The following CEP128 variants were observed in gnomAD, a reference collection of about 807,000 sequenced individuals.
CEP128 encodes the protein centrosomal protein 128, also known as centrosomal protein 128kDa.
CEP128 carries 132 observed loss-of-function variants against 156.7 expected under a neutral mutation model. The ratio of observed to expected loss-of-function variants is 0.84; its 90% CI spans 0.73 to 0.97. CEP128 has a LOEUF of 0.97. Among genes scored for constraint, CEP128 ranks in the 50% least tolerant of loss-of-function variants. The pLI, the probability that CEP128 is intolerant of heterozygous loss-of-function variation, is 0.00. For missense variants in CEP128, 1,252 were observed against 1,281.9 expected, an observed-to-expected ratio of 0.98 and a Z score of 0.36; for synonymous variants, 469 against 448.9, an observed-to-expected ratio of 1.04 and a Z score of -0.57.
At chr14:80,610,732 T>C (rs1480559428) in intron 19 of CEP128, among the ~76,000 whole-genome samples, 2 of 152,158 alleles carry the variant, frequency 1.3e-5, no homozygotes, top group African/African-American at 4.8e-5. Context: ...AAATGACTTA[T>C]GCATGTTATT....
intron 10 of CEP128, among the ~76,000 whole-genome samples, chr14:80,840,285 T>C (rs1886288547): frequency 6.6e-6 from 1 of 152,110 alleles, no homozygotes; most frequent in South Asian, 2.1e-4. Context: ...ATATTTAATA[T>C]AAATAGAGAA....
intron 13 of CEP128, among the ~76,000 whole-genome samples, chr14:80,799,141 T>C (rs866168772): frequency 1.3e-5 from 2 of 152,246 alleles, no homozygotes; most frequent in Middle Eastern, 3.4e-3. Flanking sequence ...TCCTGTGACC[T>C]TAGAAGGGTG....
rs1900032170 is a variant in CEP128, at chr14:80,762,730, T to A, written c.2377-1117A>T. ...TTACTTACAGCATCTTAAATCTGCC[T>A]ACATATGTCTCCCCAGACCACATCT... On this transcript the variant is annotated intron_variant, in intron 16 of 24. Transcript: ENST00000555265. Among the ~76,000 whole-genome samples, 7 of 152,172 alleles carry A rather than the reference T, an allele frequency of 4.6e-5. No individual in the cohort carries two copies. The South Asian group carries it at 1.2e-3, about 27-fold the overall frequency.
intron 8 of CEP128, among the ~76,000 whole-genome samples, chr14:80,880,644 CAGG>C (rs1387335598): frequency 6.6e-6 from 1 of 151,170 alleles, no homozygotes; most frequent in African/African-American, 2.4e-5. Flanking sequence ...ATCACGAGGT[CAGG>C]AGATCAAGAC....
chr14:80,658,097 T>C (rs1258493104), intron 19 of CEP128, among the ~76,000 whole-genome samples: 1 of 152,208 alleles, frequency 6.6e-6, no homozygotes, highest in Non-Finnish European at 1.5e-5. Flanking sequence ...TTTAGATTGA[T>C]AATTTAGATC....
intron 2 of CEP128, among the ~76,000 whole-genome samples, chr14:80,938,190 C>A (rs1053309834): frequency 2.0e-5 from 3 of 151,666 alleles, no homozygotes; most frequent in African/African-American, 7.3e-5. Context: ...AGTCAATGCA[C>A]CTGGCCTAAT....
At chr14:80,477,810 C>T (rs1886970332) in exon 15 of CEP128, 1 of 152,194 alleles carries the variant, frequency 6.6e-6, no homozygotes, top group Non-Finnish European at 1.5e-5. Context: ...CACTGTCGTC[C>T]TGAGAGAACT....
intron 19 of CEP128, among the ~76,000 whole-genome samples, chr14:80,590,384 G>T (rs1892000504): frequency 6.6e-6 from 1 of 151,842 alleles, no homozygotes. Context: ...ACTTACAGGG[G>T]GAAACAATTA....
chr14:80,879,908 G>C (rs1368270961), intron 8 of CEP128, among the ~76,000 whole-genome samples: 3 of 152,112 alleles, frequency 2.0e-5, no homozygotes, highest in Non-Finnish European at 4.4e-5. Context: ...AGACAATTAA[G>C]AGTAGTAAGA....
chr14:80,796,305 C>CA (rs1479807532), intron 13 of CEP128, among the ~76,000 whole-genome samples: 1 of 152,080 alleles, frequency 6.6e-6, no homozygotes, highest in Non-Finnish European at 1.5e-5. Context: ...ACTAAAAACA[C>CA]AAAAATTAGC....
intron 19 of CEP128, among the ~76,000 whole-genome samples, chr14:80,611,574 T>C (rs761787672): frequency 2.6e-5 from 4 of 152,086 alleles, no homozygotes; most frequent in Non-Finnish European, 5.9e-5. Context: ...GAGAGTATCA[T>C]CACACAAGCC....
chr14:80,563,311 C>T (rs1890768111), intron 20 of CEP128, among the ~76,000 whole-genome samples: 1 of 152,040 alleles, frequency 6.6e-6, no homozygotes, highest in African/African-American at 2.4e-5. Context: ...GGGAAGACCA[C>T]TCCCAGGAAG....
chr14:80,673,794 CTCT>C (rs1417270538), intron 19 of CEP128, among the ~76,000 whole-genome samples: 1 of 151,032 alleles, frequency 6.6e-6, no homozygotes, highest in African/African-American at 2.4e-5. Context: ...TTCTCTCTCT[CTCT>C]TTTTTTTTTA....
rs375067476 is a variant in CEP128 at position 80,632,108 on chromosome 14, C to A, written c.2807-51685G>T. ...TGTATAAAATTATATACCTGAAAAG[C>A]AATAGCAAGCATATTCCATAATAAT... On this transcript the variant is annotated intron_variant, in intron 19 of 24. Coordinates refer to ENST00000555265, the MANE Select transcript of CEP128 (RefSeq NM_152446.5). Among the ~76,000 whole-genome samples, 22 of 152,102 alleles carry A rather than the reference C, an allele frequency of 1.4e-4. No individual in the cohort carries two copies. The East Asian group carries it at 4.2e-3, about 29-fold the overall frequency.
chr14:80,555,257 G>T (rs1357589228), intron 21 of CEP128, among the ~76,000 whole-genome samples: 1 of 152,096 alleles, frequency 6.6e-6, no homozygotes, highest in Non-Finnish European at 1.5e-5. Flanking sequence ...TTTTTGCCTA[G>T]CACATCTGTC....
upstream of CEP128, among the ~76,000 whole-genome samples, chr14:80,943,658 T>G (rs4899782): frequency 0.62 from 94,724 of 152,036 alleles, 29,723 homozygotes; most frequent in East Asian, 0.69. Flanking sequence ...TTTGTCAGCT[T>G]TGGTGTGCTC....
chr14:80,703,095 A>G (rs1302345212), intron 19 of CEP128, among the ~76,000 whole-genome samples: 4 of 152,118 alleles, frequency 2.6e-5, no homozygotes, highest in South Asian at 2.1e-4. Context: ...TTGGCAGATG[A>G]GGTAGGAAAA....
intron 19 of CEP128, among the ~76,000 whole-genome samples, chr14:80,617,655 GT>G (rs1285313404): frequency 6.6e-6 from 1 of 152,156 alleles, no homozygotes; most frequent in East Asian, 1.9e-4. Flanking sequence ...CAAAATGCTT[GT>G]TTTTGGCTGG....
chr14:80,607,608 T>C (rs1219862529), intron 19 of CEP128, among the ~76,000 whole-genome samples: 1 of 152,098 alleles, frequency 6.6e-6, no homozygotes, highest in Non-Finnish European at 1.5e-5. Context: ...TTCTGCAACT[T>C]AACAAAGTTG....
Sources: allele counts gnomAD v4.1 joint callset (sites outside exome capture counted in the v4.1 genomes callset), GRCh38; gene constraint gnomAD v4.1.1; transcripts MANE v1.5; gene names NCBI Gene and HGNC (gene_info 2026-07-23, HGNC 2026-07-21).